DOCK11: variants seen among roughly 807,000 people sequenced by gnomAD.
The protein encoded by DOCK11 is dedicator of cytokinesis 11, also known as dedicator of cytokinesis protein 11.
A neutral mutation model predicts 169.1 loss-of-function variants in DOCK11; 70 were observed. The observed-to-expected ratio is 0.41, with a 90% CI of 0.34 to 0.51. DOCK11 has a LOEUF of 0.51. Among genes scored for constraint, DOCK11 ranks in the 20% least tolerant of loss-of-function variants. The pLI is 0.10. For synonymous variants in DOCK11, 529 were observed against 541.3 expected (o/e 0.98, Z 0.32); for missense variants, 1,166 against 1,538.8 (o/e 0.76, Z 4.05).
Position 118,680,685 on chromosome X carries a change from C to G in DOCK11, c.5664C>G (p.Ile1888Met). 8.5e-7 allele frequency: 1 copy of G among 1,173,932 alleles called. No homozygotes were observed. The highest frequency in any genetic ancestry group is 1.1e-6 in the Non-Finnish European group (1 of 874,789). Residue 1888 changes from isoleucine to methionine, a missense_variant, in exon 49 of 53, where the codon ATC (isoleucine) becomes ATG (methionine). By Grantham distance (10) the Ile-to-Met change is conservative (BLOSUM62 1). Transcript: ENST00000276202. Reference protein sequence around the residue: ...CIEEQCKRRTILTTSNSFPYV... With the variant: ...CIEEQCKRRTMLTTSNSFPYV... ...AAGAACAGTGCAAACGCCGTACAAT[C>G]TTGACAAGTAAGTACAATTTTACAT...
At chrX:118,545,242 C>A in intron 4 of DOCK11, 81 bp from the exon 5 acceptor site, 1 of 655,174 alleles carries the variant, frequency 1.5e-6, no homozygotes, top group South Asian at 3.8e-5. Flanking sequence ...CTGTTGTTGT[C>A]ATTATTGTTG....
At chrX:118,521,162 T>C (rs1431056091) in intron 1 of DOCK11, among the ~76,000 whole-genome samples, 1 of 112,473 alleles carries the variant, frequency 8.9e-6, no homozygotes, top group African/African-American at 3.2e-5. Context: ...GTTTTGGTCA[T>C]ATAGCTAAGT....
Position 118,599,210 on chromosome X carries a change from G to A in DOCK11, c.2544G>A (p.Glu848=). ...IQSGSKEVPG[E]LIKYLKCLHA... Reference sequence around the variant, plus strand: ...CAGGCTCGAAAGAAGTTCCAGGGGAGCTCATTAAATATTTAAAGGTAAATG... The same window carrying A: ...CAGGCTCGAAAGAAGTTCCAGGGGAACTCATTAAATATTTAAAGGTAAATG... Residue 848 remains glutamate (E), a synonymous_variant, in exon 23 of 53, where the codon GAG becomes GAA. Transcript: ENST00000276202. 2 of 1,206,910 alleles carry A rather than the reference G, an allele frequency of 1.7e-6. No homozygotes were observed. The highest frequency in any genetic ancestry group is 2.2e-6 in the Non-Finnish European group (2 of 892,148).
chrX:118,628,146 C>CT lies in DOCK11; in HGVS notation c.3665-7dup, dbSNP rs757163537. ...CCCCCTCTTGCCAACAAGGGCTTGA[C>CT]TTTTTTTTTTCCCCAGCTTATGGGT... On this transcript the variant is annotated splice_polypyrimidine_tract_variant and intron_variant, in intron 33 of 52. Transcript: ENST00000276202. The CT allele has an allele frequency of 6.0e-3, 5,868 of 971,581 alleles. No individual in the cohort carries two copies. Among genetic ancestry groups the CT allele is most frequent in the Non-Finnish European group, 6.8e-3 (4,856 of 710,937 alleles). 80.1% of individuals were successfully genotyped at this position (971,581 alleles called of 1,213,427 possible). A position where few individuals can be genotyped will look rare whatever the true frequency, so the allele number is the denominator to read the frequency against.
At chrX:118,636,239 A>T (rs1017855663) in intron 35 of DOCK11, 107 bp from the exon 36 acceptor site, 2 of 383,581 alleles carry the variant, frequency 5.2e-6, no homozygotes, top group African/African-American at 5.2e-5. Context: ...ATGAAACAAG[A>T]TTCACCTTGA....
chrX:118,533,410 A>G (rs1450384077), intron 1 of DOCK11, among the ~76,000 whole-genome samples: 3 of 112,602 alleles, frequency 2.7e-5, no homozygotes, highest in South Asian at 3.6e-4. Flanking sequence ...TGGATGGTGG[A>G]AAACTAAAAT....
At chrX:118,496,370 G>C in intron 1 of DOCK11, among the ~76,000 whole-genome samples, 1 of 112,105 alleles carries the variant, frequency 8.9e-6, no homozygotes, top group South Asian at 3.7e-4. Flanking sequence ...CAGGGTCGGG[G>C]CCGGGGGTGT....
chrX:118,578,813 T>TG (rs1482654565), intron 13 of DOCK11, among the ~76,000 whole-genome samples, 166 bp downstream of exon 13: 1 of 112,567 alleles, frequency 8.9e-6, no homozygotes, highest in African/African-American at 3.2e-5. Context: ...TTGTCATTGA[T>TG]GTTCTGTTAA....
chrX:118,532,079 G>A (rs772524174), intron 1 of DOCK11, among the ~76,000 whole-genome samples: 63 of 109,012 alleles, frequency 5.8e-4, no homozygotes, highest in Non-Finnish European at 1.1e-3. Context: ...TTATAGATAG[G>A]GGCAGGCTTT....
At chrX:118,535,386 A>C (rs1413328729) in intron 1 of DOCK11, among the ~76,000 whole-genome samples, 1 of 111,908 alleles carries the variant, frequency 8.9e-6, no homozygotes, top group Admixed American at 9.5e-5. Context: ...ATTAGATGAG[A>C]TCATAGATAT....
At chrX:118,559,720 C>CTAAAAA (rs374395647) in intron 6 of DOCK11, among the ~76,000 whole-genome samples, 1 of 109,281 alleles carries the variant, frequency 9.2e-6, no homozygotes, top group Non-Finnish European at 1.9e-5. Context: ...CTTGTGTCTA[C>CTAAAAA]TAAAAATAAA....
At chrX:118,671,387 C>T (rs2016468729) in intron 46 of DOCK11, among the ~76,000 whole-genome samples, 1 of 110,831 alleles carries the variant, frequency 9.0e-6, no homozygotes, top group African/African-American at 3.3e-5. Flanking sequence ...ATGATTTCAC[C>T]ACAAAGGAAT....
intron 1 of DOCK11, among the ~76,000 whole-genome samples, chrX:118,505,719 A>G (rs1409587968): frequency 1.8e-5 from 2 of 112,138 alleles, no homozygotes; most frequent in African/African-American, 6.5e-5. Flanking sequence ...GGCATTTTCT[A>G]CCTTCACACG....
chrX:118,561,295 C>G lies in DOCK11; in HGVS notation c.559-88C>G. On this transcript the variant is annotated intron_variant, in intron 6 of 52. Transcript: ENST00000276202. ...AGATTGTCCAGGCACAATTGCCTGGCAAGCTTTTGAGGTTTTTAGTTCAGA... is the reference window on the plus strand; with the variant it reads ...AGATTGTCCAGGCACAATTGCCTGGGAAGCTTTTGAGGTTTTTAGTTCAGA... 7.4e-6 allele frequency: 7 copies of G among 939,647 alleles called. No homozygotes were observed. In the South Asian group the frequency reaches 2.5e-4, roughly 34 times the overall value. The allele number at this position is 939,647 out of a possible 1,213,427, so 77.4% of individuals were successfully genotyped here.
chrX:118,639,800 C>G (rs1030714352), intron 38 of DOCK11, among the ~76,000 whole-genome samples: 2 of 111,710 alleles, frequency 1.8e-5, no homozygotes, highest in African/African-American at 6.5e-5. Context: ...GTTTGCATCT[C>G]TCTGCTATGT....
intron 30 of DOCK11, among the ~76,000 whole-genome samples, chrX:118,616,538 G>T (rs773060049): frequency 2.7e-3 from 283 of 104,263 alleles, no homozygotes; most frequent in African/African-American, 9.1e-3. Flanking sequence ...TTTTTTTTTT[G>T]TTTTTGTTTT....
At chrX:118,544,662 T>C (rs2012181456) in intron 4 of DOCK11, among the ~76,000 whole-genome samples, 1 of 65,324 alleles carries the variant, frequency 1.5e-5, no homozygotes, top group Non-Finnish European at 2.9e-5. Context: ...TTTTTTTTTT[T>C]TTTTTTTTTT....
chrX:118,610,314 T>C lies in DOCK11; in HGVS notation c.2992T>C (p.Leu998=), dbSNP rs901958351. 2 of 1,209,627 alleles carry C rather than the reference T, an allele frequency of 1.7e-6. No individual in the cohort carries two copies. The highest frequency in any genetic ancestry group is 3.5e-5 in the African/African-American group (2 of 57,238). Residue 998 remains leucine, a synonymous_variant, in exon 28 of 53, where the codon TTA becomes CTA. Transcript: ENST00000276202. ...ATTTCCCGAGACATATCATCATGTC[T>C]TACATTCACTGCTTCTTGCAATAAT... ...QRFPETYHHV[L]HSLLLAIIPH...
intron 51 of DOCK11, among the ~76,000 whole-genome samples, chrX:118,682,131 A>G (rs183949874): frequency 1.3e-4 from 14 of 110,526 alleles, no homozygotes; most frequent in African/African-American, 4.6e-4. Flanking sequence ...ATTTCAGACC[A>G]TTTGGGGTAG....
Sources: gnomAD v4.1 joint callset for allele counts (sites outside exome capture counted in the v4.1 genomes callset) on GRCh38, gnomAD v4.1.1 for gene constraint, MANE v1.5 for transcripts, NCBI Gene and HGNC (gene_info 2026-07-23, HGNC 2026-07-21) for gene names.